GABRA2: variants seen among roughly 807,000 people sequenced by gnomAD.
GABRA2 encodes the protein gamma-aminobutyric acid receptor subunit alpha-2.
A neutral mutation model predicts 48.7 loss-of-function variants in GABRA2; 16 were observed. The ratio of observed to expected loss-of-function variants is 0.33; its 90% CI spans 0.22 to 0.50. GABRA2 has a LOEUF of 0.50. GABRA2 is among the 20% of genes least tolerant of loss of function. The probability of loss-of-function intolerance (pLI) is 0.98; values close to 1 mark genes in which losing one functional copy is unlikely to be tolerated. For missense variants in GABRA2, 275 were observed against 535.6 expected (o/e 0.51, Z 4.80); for synonymous variants, 185 against 184.5 (o/e 1.00, Z -0.02).
intron 8 of GABRA2, among the ~76,000 whole-genome samples, chr4:46,294,775 A>C (rs1724329264): frequency 6.6e-6 from 1 of 152,126 alleles, no homozygotes; most frequent in South Asian, 2.1e-4. Context: ...CTCTTGGCCC[A>C]TTACTGGGCT....
chr4:46,364,960 A>G (rs574515407), intron 3 of GABRA2: 2 of 152,336 alleles, frequency 1.3e-5, no homozygotes, highest in Admixed American at 6.5e-5. Context: ...AAATGTTTTA[A>G]AAATTGTCTA....
chr4:46,347,629 C>T (rs1198709268), intron 3 of GABRA2, among the ~76,000 whole-genome samples: 3 of 151,888 alleles, frequency 2.0e-5, no homozygotes, highest in South Asian at 2.1e-4. Context: ...AGACTCTAAA[C>T]TATCAAACTA....
intron 8 of GABRA2, among the ~76,000 whole-genome samples, chr4:46,299,353 G>A (rs954526724): frequency 6.6e-6 from 1 of 151,614 alleles, no homozygotes; most frequent in Non-Finnish European, 1.5e-5. Context: ...TCTGATGCAT[G>A]TTGTGTTTGT....
intron 4 of GABRA2, 93 bp from the exon 5 acceptor site, chr4:46,312,809 CAGAG>C (rs1034136766): frequency 5.9e-5 from 39 of 662,616 alleles, no homozygotes; most frequent in South Asian, 3.7e-4. Flanking sequence ...TTAATTTAAA[CAGAG>C]AGAGCTATAT....
intron 3 of GABRA2, among the ~76,000 whole-genome samples, chr4:46,357,903 C>T (rs868159682): frequency 6.6e-6 from 1 of 151,944 alleles, no homozygotes; most frequent in South Asian, 2.1e-4. Context: ...CGTGATCCAC[C>T]CACCTCTGCC....
intron 8 of GABRA2, among the ~76,000 whole-genome samples, chr4:46,299,248 C>T (rs1725297118): frequency 6.6e-6 from 1 of 151,518 alleles, no homozygotes; most frequent in African/African-American, 2.4e-5. Flanking sequence ...ATTTTTATTC[C>T]TGAATTTTAA....
chr4:46,320,860 C>A (rs953883521), intron 4 of GABRA2, among the ~76,000 whole-genome samples: 1 of 151,762 alleles, frequency 6.6e-6, no homozygotes, highest in African/African-American at 2.4e-5. Context: ...ATGTTAAAAG[C>A]AGAATCTTTC....
intron 8 of GABRA2, among the ~76,000 whole-genome samples, chr4:46,287,974 A>G (rs2109511157): frequency 6.6e-6 from 1 of 152,262 alleles, no homozygotes; most frequent in African/African-American, 2.4e-5. Flanking sequence ...TCTTACATGG[A>G]TAGCAGTAGG....
At chr4:46,275,022 A>T (rs537476180) in intron 8 of GABRA2, among the ~76,000 whole-genome samples, 1 of 152,198 alleles carries the variant, frequency 6.6e-6, no homozygotes, top group East Asian at 1.9e-4. Flanking sequence ...TATTTTAGTT[A>T]ATTCATTTCC....
At chr4:46,280,921 G>A (rs1721410273) in intron 8 of GABRA2, among the ~76,000 whole-genome samples, 1 of 152,168 alleles carries the variant, frequency 6.6e-6, no homozygotes, top group Non-Finnish European at 1.5e-5. Flanking sequence ...TAGAGAGATG[G>A]TGACCATCTA....
intron 3 of GABRA2, among the ~76,000 whole-genome samples, chr4:46,337,113 T>A (rs1165066926): frequency 2.0e-5 from 3 of 152,090 alleles, no homozygotes; most frequent in African/African-American, 7.2e-5. Flanking sequence ...AAGAAAAACA[T>A]CTGCCTGTGA....
chr4:46,282,073 A>G (rs1382366869), intron 8 of GABRA2, among the ~76,000 whole-genome samples: 2 of 152,194 alleles, frequency 1.3e-5, no homozygotes, highest in African/African-American at 4.8e-5. Context: ...GTTCTCTTCT[A>G]GTTGCTTCAA....
chr4:46,387,153 A>T (rs1423165884), intron 2 of GABRA2, among the ~76,000 whole-genome samples: 4 of 152,202 alleles, frequency 2.6e-5, no homozygotes, highest in Non-Finnish European at 5.9e-5. Flanking sequence ...CCAAAAAAGA[A>T]TCATTTATAT....
At chr4:46,308,066 G>T (rs1408052983) in intron 6 of GABRA2, among the ~76,000 whole-genome samples, 1 of 152,046 alleles carries the variant, frequency 6.6e-6, no homozygotes, top group Non-Finnish European at 1.5e-5. Flanking sequence ...GTCCTATGTT[G>T]CATTAAGCAG....
At chr4:46,298,741 A>T (rs1239119760) in intron 8 of GABRA2, among the ~76,000 whole-genome samples, 1 of 151,960 alleles carries the variant, frequency 6.6e-6, no homozygotes, top group African/African-American at 2.4e-5. Flanking sequence ...TTTATAAAAC[A>T]TCATAAGAGA....
Position 46,245,711 on chromosome 4 carries a change from C to A in GABRA2, c.*4597G>T, listed in dbSNP as rs2109356394. ...TAGGAATTACACACATACACACTCG[C>A]AAACATACACACATCACTGACACAC... On this transcript the variant is annotated 3_prime_UTR_variant, in exon 10 of 10. Coordinates refer to ENST00000381620, the MANE Select transcript of GABRA2 (RefSeq NM_000807.4). 6.6e-6 allele frequency among the ~76,000 whole-genome samples: 1 copy of A among 151,244 alleles called. No homozygotes were observed.
intron 8 of GABRA2, among the ~76,000 whole-genome samples, chr4:46,289,704 A>C (rs1723216430): frequency 6.6e-6 from 1 of 152,116 alleles, no homozygotes; most frequent in Non-Finnish European, 1.5e-5. Context: ...CATAAATAAA[A>C]GTTACATTAA....
chr4:46,285,444 C>G (rs995696095), intron 8 of GABRA2, among the ~76,000 whole-genome samples: 3 of 151,874 alleles, frequency 2.0e-5, no homozygotes, highest in Admixed American at 6.6e-5. Flanking sequence ...AGTTAAATAT[C>G]TATTCATCTA....
intron 4 of GABRA2, among the ~76,000 whole-genome samples, chr4:46,313,561 C>T (rs1028171252): frequency 1.6e-5 from 2 of 121,292 alleles, no homozygotes; most frequent in Non-Finnish European, 3.5e-5. Flanking sequence ...TTACGTGAAA[C>T]TCTGTTTCTC....
Sources: allele counts gnomAD v4.1 joint callset (sites outside exome capture counted in the v4.1 genomes callset), GRCh38; gene constraint gnomAD v4.1.1; transcripts MANE v1.5; gene names NCBI Gene and HGNC (gene_info 2026-07-23, HGNC 2026-07-21).